The following SFMBT2 variants were observed in gnomAD, a reference collection of about 807,000 sequenced individuals.
SFMBT2 encodes the protein scm-like with four MBT domains protein 2.
In SFMBT2, 38 loss-of-function variants were observed where a neutral mutation model predicts 110.1. The ratio of observed to expected loss-of-function variants is 0.35; its 90% CI spans 0.27 to 0.45. The LOEUF (loss-of-function observed/expected upper bound fraction) is 0.45. Ranked by LOEUF, SFMBT2 falls within the 20% of genes least tolerant of loss-of-function variation. The pLI is 1.00. For synonymous variants in SFMBT2, 425 were observed against 425.4 expected (o/e 1.00, Z 0.01); for missense variants, 1,011 against 1,094.9 (o/e 0.92, Z 1.08).
At chr10:7,215,018 G>A (rs1361218156) in intron 11 of SFMBT2, among the ~76,000 whole-genome samples, 1 of 152,216 alleles carries the variant, frequency 6.6e-6, no homozygotes, top group African/African-American at 2.4e-5. Context: ...TCAACTAAAA[G>A]GCTAAAATAC....
intron 4 of SFMBT2, among the ~76,000 whole-genome samples, chr10:7,303,670 T>C (rs1015711851): frequency 6.6e-6 from 1 of 152,168 alleles, no homozygotes; most frequent in African/African-American, 2.4e-5. Flanking sequence ...ATAAAATAAA[T>C]TACTGAGATT....
At chr10:7,268,674 C>A (rs974342407) in intron 7 of SFMBT2, among the ~76,000 whole-genome samples, 2 of 152,120 alleles carry the variant, frequency 1.3e-5, no homozygotes, top group Non-Finnish European at 2.9e-5. Flanking sequence ...CCACGCCCAG[C>A]TAATTTTTGT....
At chr10:7,335,622 A>AC (rs1843699840) in intron 4 of SFMBT2, among the ~76,000 whole-genome samples, 1 of 78,332 alleles carries the variant, frequency 1.3e-5, no homozygotes, top group Non-Finnish European at 2.8e-5. Context: ...CACACACACA[A>AC]CCATATACAT....
chr10:7,354,585 C>A (rs1844437339), intron 4 of SFMBT2, among the ~76,000 whole-genome samples: 1 of 152,100 alleles, frequency 6.6e-6, no homozygotes, highest in Non-Finnish European at 1.5e-5. Context: ...GAAACTGGCT[C>A]CCTAAATCCA....
At chr10:7,363,808 G>T (rs1844804720) in intron 4 of SFMBT2, among the ~76,000 whole-genome samples, 1 of 152,050 alleles carries the variant, frequency 6.6e-6, no homozygotes, top group African/African-American at 2.4e-5. Flanking sequence ...CAGATCTTGG[G>T]CTGCAGCCAC....
At position 7,171,221 on chromosome 10, in the gene SFMBT2, G is replaced by T. The variant is rs919142821; in HGVS notation, c.2416-165C>A. On this transcript the variant is annotated intron_variant, in intron 19 of 20. Coordinates refer to ENST00000397167, the MANE Select transcript of SFMBT2 (RefSeq NM_001387889.1). This position sits in a 1 kb window ranked among gnomAD's most constrained non-coding sequence, Gnocchi z 4.9. ...GCACACACTCTCAGTCCCTGAGAAA[G>T]TTCTTGGCTCAGTGATGATGCCCCC... 3.3e-5 allele frequency among the ~76,000 whole-genome samples: 5 copies of T among 152,256 alleles called. No homozygotes were observed. In the South Asian group the frequency reaches 1.0e-3, roughly 31 times the overall value.
At chr10:7,331,160 A>G (rs1423384583) in intron 4 of SFMBT2, among the ~76,000 whole-genome samples, 2 of 152,238 alleles carry the variant, frequency 1.3e-5, no homozygotes, top group African/African-American at 2.4e-5. Context: ...AAACCATGTC[A>G]TTGTAAAGAA....
intron 7 of SFMBT2, among the ~76,000 whole-genome samples, chr10:7,257,376 G>A (rs1426996822): frequency 6.6e-6 from 1 of 152,154 alleles, no homozygotes; most frequent in Non-Finnish European, 1.5e-5. Flanking sequence ...CTTGCCAGTG[G>A]TTGCTGTGCC....
intron 9 of SFMBT2, among the ~76,000 whole-genome samples, chr10:7,240,364 T>C (rs1336258545): frequency 1.3e-5 from 2 of 152,208 alleles, no homozygotes; most frequent in Admixed American, 6.5e-5. Flanking sequence ...TTTTCAACAA[T>C]GGCACAGATC....
chr10:7,185,687 C>T (rs1305093588), intron 16 of SFMBT2, among the ~76,000 whole-genome samples: 1 of 152,176 alleles, frequency 6.6e-6, no homozygotes, highest in Middle Eastern at 3.2e-3. Flanking sequence ...AATTATTAAG[C>T]TTCTGCCTGG....
chr10:7,257,728 T>C (rs1841072906), intron 7 of SFMBT2, among the ~76,000 whole-genome samples: 1 of 152,232 alleles, frequency 6.6e-6, no homozygotes, highest in Non-Finnish European at 1.5e-5. Flanking sequence ...AATGTCACTA[T>C]GTGGCTATCA....
At chr10:7,289,031 C>G (rs1842188404) in intron 4 of SFMBT2, among the ~76,000 whole-genome samples, 1 of 151,976 alleles carries the variant, frequency 6.6e-6, no homozygotes, top group Non-Finnish European at 1.5e-5. Flanking sequence ...CTCAAGCCCC[C>G]AGGTGTTCAG....
In SFMBT2 at chr10:7,202,518, T is replaced by C. The variant is rs938115662; in HGVS notation, c.1449A>G (p.Gln483=). 6.2e-7 allele frequency: 1 copy of C among 1,614,208 alleles called. No individual in the cohort carries two copies. Among genetic ancestry groups the C allele is most frequent in the Non-Finnish European group, 8.5e-7 (1 of 1,180,042 alleles). Residue 483 remains glutamine, a synonymous_variant, in exon 13 of 21, where the codon CAA becomes CAG. Transcript: ENST00000397167. The stretch of plus-strand genomic sequence containing the variant: ...GCACGACTGCAATCTTTCTCTTCTT[T>C]TGTGCTGTAGAAAAGGCAAAACGGA... ...PLTAPHKTVS[Q]KKRKIAVVQP...
In SFMBT2 at chr10:7,408,959, TC is replaced by T. The variant is rs1457925093; in HGVS notation, c.-52+1901del. Among the ~76,000 whole-genome samples, 1 of 151,948 alleles carries T rather than the reference TC, an allele frequency of 6.6e-6. No individual in the cohort carries two copies. The highest frequency in any genetic ancestry group is 1.5e-5 in the Non-Finnish European group (1 of 67,988). ...TTCCTAAGCCGAGCAAGGGACAATT[TC>T]TTCCCCAAACGCTGTCCCCATCCCC... is the stretch of plus-strand genomic sequence containing the variant. On this transcript the variant is annotated intron_variant, in intron 1 of 20. Coordinates refer to ENST00000397167, the MANE Select transcript of SFMBT2 (RefSeq NM_001387889.1). The surrounding 1 kb of genome is among the most constrained non-coding windows in gnomAD (Gnocchi z 5.7).
At position 7,171,923 on chromosome 10, in the gene SFMBT2, C is replaced by A; in HGVS notation, c.2387G>T (p.Cys796Phe). The A allele has an allele frequency of 6.9e-7, 1 of 1,441,764 alleles. No homozygotes were observed. The highest frequency in any genetic ancestry group is 9.1e-7 in the Non-Finnish European group (1 of 1,100,780). 89.3% of individuals were successfully genotyped at this position (1,441,764 alleles called of 1,614,324 possible). The stretch of plus-strand genomic sequence containing the variant: ...TGTCCCCTCGGGCTTGGTCGGCGGG[C>A]ACTTCTCCCCTTCCTCTGCTGAGGA... Reference protein sequence around the residue: ...AASSAEEGEKCPPTKPEGTED... With the variant: ...AASSAEEGEKFPPTKPEGTED... The change falls in exon 19 of 21, where the codon TGC (cysteine) becomes TTC (phenylalanine). Residue 796 changes from cysteine to phenylalanine, a missense_variant. Coordinates refer to ENST00000397167, the MANE Select transcript of SFMBT2 (RefSeq NM_001387889.1). The surrounding 1 kb of genome is among the most constrained non-coding windows in gnomAD (Gnocchi z 4.9).
In SFMBT2 at chr10:7,288,100, T is replaced by C. The variant is rs1351026478; in HGVS notation, c.437-2146A>G. 3.9e-5 allele frequency among the ~76,000 whole-genome samples: 6 copies of C among 152,358 alleles called. No homozygotes were observed. In the East Asian group the frequency reaches 9.6e-4, roughly 24 times the overall value. On this transcript the variant is annotated intron_variant, in intron 4 of 20. Coordinates refer to ENST00000397167, the MANE Select transcript of SFMBT2 (RefSeq NM_001387889.1). ...ATTGATTATTCATACCCATGACTTC[T>C]AGATTGAAACTTCCAATGAGCTTTC...
intron 15 of SFMBT2, among the ~76,000 whole-genome samples, chr10:7,195,832 C>A (rs747020518): frequency 6.6e-6 from 1 of 152,196 alleles, no homozygotes; most frequent in Non-Finnish European, 1.5e-5. Context: ...ACATACTCAT[C>A]TTTCCCATCG....
At chr10:7,202,662 C>A (rs1838995790) in intron 12 of SFMBT2, 140 bp from the exon 13 acceptor site, 1 of 1,528,310 alleles carries the variant, frequency 6.5e-7, no homozygotes, top group African/African-American at 1.4e-5. Flanking sequence ...ATTCATGCCA[C>A]AATTTCCTAT....
intron 7 of SFMBT2, among the ~76,000 whole-genome samples, chr10:7,255,187 G>A (rs1375849891): frequency 6.6e-6 from 1 of 152,150 alleles, no homozygotes; most frequent in African/African-American, 2.4e-5. Context: ...CATCCTCAAT[G>A]TCAAGGACAG....
Sources: gnomAD v4.1 joint callset for allele counts (sites outside exome capture counted in the v4.1 genomes callset) on GRCh38, gnomAD v4.1.1 for gene constraint, Gnocchi (gnomAD v3.1) non-coding constraint, MANE v1.5 for transcripts, NCBI Gene and HGNC (gene_info 2026-07-23, HGNC 2026-07-21) for gene names.